EXOC6: variants seen among roughly 807,000 people sequenced by gnomAD.
EXOC6 encodes exocyst complex component 6.
EXOC6 carries 60 observed loss-of-function variants against 112.5 expected under a neutral mutation model. The ratio of observed to expected loss-of-function variants is 0.53; its 90% confidence interval spans 0.43 to 0.66. The LOEUF (loss-of-function observed/expected upper bound fraction) is 0.66, where lower values mean the gene tolerates loss of function less well. EXOC6 is among the 30% of genes least tolerant of loss of function. The pLI is 0.00. For missense variants in EXOC6, 855 were observed against 957.1 expected (o/e 0.89, Z 1.41); for synonymous variants, 295 against 308.0 (o/e 0.96, Z 0.44).
At chr10:92,927,321 A>G (rs1851777128) in intron 8 of EXOC6, among the ~76,000 whole-genome samples, 1 of 152,158 alleles carries the variant, frequency 6.6e-6, no homozygotes, top group African/African-American at 2.4e-5. Context: ...ATTGAGGTAT[A>G]GTAATTAATT....
At chr10:92,877,679 G>A (rs912459666) in intron 1 of EXOC6, among the ~76,000 whole-genome samples, 2 of 151,990 alleles carry the variant, frequency 1.3e-5, no homozygotes, top group Non-Finnish European at 2.9e-5. Flanking sequence ...GTGTAGTCAG[G>A]GTCAGTGATG....
intron 1 of EXOC6, 109 bp from the exon 2 acceptor site, chr10:92,893,240 C>A: frequency 2.8e-6 from 2 of 707,620 alleles, no homozygotes; most frequent in Non-Finnish European, 4.5e-6. Flanking sequence ...GTAATATTAT[C>A]ACCAGTTTAT....
At chr10:92,837,381 C>CA (rs1429174915) in intron 1 of EXOC6, among the ~76,000 whole-genome samples, 1 of 152,182 alleles carries the variant, frequency 6.6e-6, no homozygotes, top group Non-Finnish European at 1.5e-5. Flanking sequence ...TTTAAAACGT[C>CA]AAGCTCTGGC....
chr10:92,922,328 G>A (rs1010738463), intron 8 of EXOC6, among the ~76,000 whole-genome samples: 1 of 152,104 alleles, frequency 6.6e-6, no homozygotes, highest in African/African-American at 2.4e-5. Context: ...ATAGCATTGG[G>A]AAAATTACTT....
At chr10:92,916,783 A>T (rs1315718771) in intron 7 of EXOC6, among the ~76,000 whole-genome samples, 3 of 152,048 alleles carry the variant, frequency 2.0e-5, no homozygotes, top group Non-Finnish European at 4.4e-5. Flanking sequence ...TTTGCTAGGA[A>T]ATTTTTCTGT....
intron 10 of EXOC6, 23 bp from the exon 11 acceptor site, chr10:92,934,287 G>A: frequency 6.4e-7 from 1 of 1,560,656 alleles, no homozygotes; most frequent in Non-Finnish European, 8.6e-7. Flanking sequence ...TTTAACACAT[G>A]CTTTGGTAAT....
intron 18 of EXOC6, among the ~76,000 whole-genome samples, chr10:92,976,185 C>G (rs1161862289): frequency 6.6e-6 from 1 of 152,014 alleles, no homozygotes; most frequent in African/African-American, 2.4e-5. Context: ...CCCAACAGCT[C>G]ATTGAGAACG....
intron 9 of EXOC6, among the ~76,000 whole-genome samples, chr10:92,929,342 T>G (rs1851894088): frequency 6.6e-6 from 1 of 152,224 alleles, no homozygotes; most frequent in Non-Finnish European, 1.5e-5. Flanking sequence ...TCATCATACA[T>G]GGATAGTCAA....
intron 19 of EXOC6, among the ~76,000 whole-genome samples, chr10:93,001,828 A>G (rs1053769607): frequency 6.6e-6 from 1 of 152,192 alleles, no homozygotes; most frequent in East Asian, 1.9e-4. Flanking sequence ...ACATGTCTCT[A>G]AATCTTCTGA....
intron 18 of EXOC6, among the ~76,000 whole-genome samples, chr10:92,994,314 T>C (rs1843386728): frequency 6.6e-6 from 1 of 152,214 alleles, no homozygotes; most frequent in Admixed American, 6.5e-5. Context: ...ACCACAATTG[T>C]TCTTAGAAGA....
At chr10:92,899,166 G>A (rs1000095825) in intron 4 of EXOC6, among the ~76,000 whole-genome samples, 4 of 152,080 alleles carry the variant, frequency 2.6e-5, no homozygotes, top group Non-Finnish European at 5.9e-5. Context: ...ACACAAGTGT[G>A]TTATTTTATT....
At chr10:93,015,247 A>G (rs1421569482) in intron 20 of EXOC6, among the ~76,000 whole-genome samples, 1 of 151,858 alleles carries the variant, frequency 6.6e-6, no homozygotes, top group East Asian at 1.9e-4. Context: ...CAGTTAAGAA[A>G]CTCTGACTTC....
At chr10:92,904,239 A>G (rs565530614) in intron 5 of EXOC6, among the ~76,000 whole-genome samples, 29 of 152,176 alleles carry the variant, frequency 1.9e-4, no homozygotes, top group Middle Eastern at 3.4e-3. Flanking sequence ...AGTTTTGGCA[A>G]TTGTGAATAA....
chr10:93,027,397 C>A (rs1322902409), intron 20 of EXOC6, among the ~76,000 whole-genome samples: 1 of 152,186 alleles, frequency 6.6e-6, no homozygotes, highest in Non-Finnish European at 1.5e-5. Flanking sequence ...GATGAAGTGG[C>A]TACACTAAGC....
At position 92,909,645 on chromosome 10, in the gene EXOC6, T is replaced by C. The variant is rs753894927; in HGVS notation, c.663+14T>C. 2 of 1,506,888 alleles carry C rather than the reference T, an allele frequency of 1.3e-6. No homozygotes were observed. Among genetic ancestry groups the C allele is most frequent in the Non-Finnish European group, 9.1e-7 (1 of 1,095,764 alleles). The allele number at this position is 1,506,888 out of a possible 1,614,324, so 93.3% of individuals were successfully genotyped here. A position where few individuals can be genotyped will look rare whatever the true frequency, so the allele number is the denominator to read the frequency against. ...GCAATGAAACAGGTGAGATTAAAAA[T>C]AATTTTGATTTAATATTATTTAGTA... is the stretch of plus-strand genomic sequence containing the variant. On this transcript the variant is annotated intron_variant, in intron 6 of 21. Transcript: ENST00000260762.
intron 17 of EXOC6, among the ~76,000 whole-genome samples, chr10:92,960,425 T>C (rs1853921455): frequency 6.6e-6 from 1 of 152,124 alleles, no homozygotes; most frequent in Admixed American, 6.6e-5. Context: ...TAAAAGTATG[T>C]AATTGTGTAT....
chr10:92,933,338 T>C lies in EXOC6; in HGVS notation c.973-806T>C, dbSNP rs925648289. Among the ~76,000 whole-genome samples, 7 of 152,238 alleles carry C rather than the reference T, an allele frequency of 4.6e-5. No homozygotes were observed. The South Asian group carries it at 1.2e-3, about 27-fold the overall frequency. On this transcript the variant is annotated intron_variant, in intron 9 of 21. Transcript: ENST00000260762. ...GCTTCATCTAATGGAATATATAGAA[T>C]CCTATTTCAACAACTGTAGGAACAT... is the stretch of plus-strand genomic sequence containing the variant.
At chr10:93,022,450 T>C (rs921721533) in intron 20 of EXOC6, among the ~76,000 whole-genome samples, 1 of 152,174 alleles carries the variant, frequency 6.6e-6, no homozygotes, top group Non-Finnish European at 1.5e-5. Context: ...TTTTAATTTT[T>C]CTAGTTTTAA....
intron 1 of EXOC6, among the ~76,000 whole-genome samples, chr10:92,865,472 G>C (rs145768952): frequency 0.014 from 2,180 of 152,192 alleles, 51 homozygotes; most frequent in African/African-American, 0.05. Context: ...ATGAGGTGGA[G>C]GTTGCAGTGA....
Sources: allele counts gnomAD v4.1 joint callset (sites outside exome capture counted in the v4.1 genomes callset), GRCh38; gene constraint gnomAD v4.1.1; transcripts MANE v1.5; gene names NCBI Gene and HGNC (gene_info 2026-07-23, HGNC 2026-07-21).